LOC400499: variants seen among roughly 807,000 people sequenced by gnomAD.
chr16:11,489,316 T>C, the LOC400499 span, among the ~76,000 whole-genome samples: 22 of 152,222 alleles, frequency 1.4e-4, no homozygotes, highest in African/African-American at 5.1e-4. Context: ...CTTGGAACCT[T>C]AGTTTTCTCA....
At chr16:11,428,676 C>T in the LOC400499 span, among the ~76,000 whole-genome samples, 35 of 152,086 alleles carry the variant, frequency 2.3e-4, no homozygotes, top group African/African-American at 6.5e-4. Flanking sequence ...TATCTTGTGG[C>T]GACCTCCTAT....
chr16:11,502,150 G>A, the LOC400499 span: 5 of 399,042 alleles, frequency 1.3e-5, no homozygotes, highest in Non-Finnish European at 2.2e-5. Context: ...CCCTGGAGCT[G>A]GGACACCAGT....
chr16:11,521,931 C>T, the LOC400499 span: 781 of 399,156 alleles, frequency 2.0e-3, 3 homozygotes, highest in African/African-American at 0.014. Flanking sequence ...CGTGATCTCC[C>T]GGTTGCCCAA....
At chr16:11,502,985 A>G in the LOC400499 span, among the ~76,000 whole-genome samples, 3 of 139,868 alleles carry the variant, frequency 2.1e-5, no homozygotes, top group East Asian at 2.1e-4. Context: ...GCTGCAACAC[A>G]GTCACTTCTC....
At chr16:11,413,318 C>T in the LOC400499 span, among the ~76,000 whole-genome samples, 2 of 152,152 alleles carry the variant, frequency 1.3e-5, no homozygotes, top group Non-Finnish European at 2.9e-5. Flanking sequence ...GGGCTGAGAT[C>T]CTTTGCAGGA....
At chr16:11,383,094 CTCA>C in the LOC400499 span, among the ~76,000 whole-genome samples, 15,229 of 147,452 alleles carry the variant, frequency 0.1, 871 homozygotes, top group Non-Finnish European at 0.13. Flanking sequence ...GAGACGGAGT[CTCA>C]CTCTGTTGCC....
chr16:11,434,943 T>G, the LOC400499 span, among the ~76,000 whole-genome samples: 1 of 152,304 alleles, frequency 6.6e-6, no homozygotes, highest in East Asian at 1.9e-4. Flanking sequence ...TTGGGATCAC[T>G]AGTGATTTTT....
At chr16:11,393,567 G>T in the LOC400499 span, 28 of 1,232,328 alleles carry the variant, frequency 2.3e-5, no homozygotes, top group African/African-American at 3.7e-4. Context: ...AAGCTGGGAG[G>T]GGGAAGGCAG....
At chr16:11,514,989 G>T in the LOC400499 span, among the ~76,000 whole-genome samples, 1 of 152,096 alleles carries the variant, frequency 6.6e-6, no homozygotes, top group Admixed American at 6.6e-5. Flanking sequence ...GCTAGAGACA[G>T]AGGCGGGGAG....
chr16:11,416,788 G>A, the LOC400499 span, among the ~76,000 whole-genome samples: 3 of 152,092 alleles, frequency 2.0e-5, no homozygotes, highest in African/African-American at 7.2e-5. Flanking sequence ...CAGGCAGCAG[G>A]ATCAGCCCGT....
the LOC400499 span, among the ~76,000 whole-genome samples, chr16:11,483,994 CTTTTTTTTT>C: frequency 2.9e-5 from 1 of 34,828 alleles, no homozygotes; most frequent in Non-Finnish European, 4.8e-5. Context: ...GAGGAAGGGA[CTTTTTTTTT>C]TTTTTTTTTT....
chr16:11,520,435 T>C, the LOC400499 span, among the ~76,000 whole-genome samples: 1 of 152,114 alleles, frequency 6.6e-6, no homozygotes, highest in Non-Finnish European at 1.5e-5. Context: ...GGTGGGCAGA[T>C]CACTTGAGGT....
the LOC400499 span, among the ~76,000 whole-genome samples, chr16:11,459,240 A>G: frequency 8.6e-6 from 1 of 115,644 alleles, no homozygotes; most frequent in Admixed American, 1.3e-4. Flanking sequence ...TGTTTCGCCC[A>G]GGCCAGACTG....
chr16:11,476,653 C>G, the LOC400499 span: 5 of 341,470 alleles, frequency 1.5e-5, no homozygotes, highest in Non-Finnish European at 2.4e-5. Flanking sequence ...CTTGTGCACA[C>G]GCAGACGTGA....
the LOC400499 span, among the ~76,000 whole-genome samples, chr16:11,408,889 T>A: frequency 6.6e-6 from 1 of 152,216 alleles, no homozygotes; most frequent in South Asian, 2.1e-4. Flanking sequence ...TGAAATAAAA[T>A]GTAAACAGGA....
the LOC400499 span, chr16:11,469,659 G>C: frequency 1.5e-5 from 6 of 399,004 alleles, no homozygotes; most frequent in African/African-American, 1.0e-4. Flanking sequence ...GGGGGAACCA[G>C]CTGCCCTTCT....
chr16:11,384,284 C>CTGCT, the LOC400499 span: 1 of 1,232,458 alleles, frequency 8.1e-7, no homozygotes, highest in East Asian at 3.2e-5. Flanking sequence ...AGCTCATTGC[C>CTGCT]TGCTTCATTG....
At chr16:11,392,947 G>A in the LOC400499 span, 91 of 320,990 alleles carry the variant, frequency 2.8e-4, no homozygotes, top group South Asian at 9.2e-3. Context: ...TCCGCTTCCC[G>A]GGTTCACGCC....
chr16:11,390,057 G>C, the LOC400499 span: 1 of 1,163,756 alleles, frequency 8.6e-7, no homozygotes, highest in Non-Finnish European at 1.1e-6. Flanking sequence ...CACTGCACCT[G>C]GTATGTGGCA....
Sources: gnomAD v4.1 joint callset for allele counts (sites outside exome capture counted in the v4.1 genomes callset) on GRCh38, gnomAD v4.1.1 for gene constraint, MANE v1.5 for transcripts.